Variants in MAGI3 observed in about 807,000 individuals in gnomAD.
MAGI3 encodes the protein membrane-associated guanylate kinase, WW and PDZ domain-containing protein 3.
A neutral mutation model predicts 121.8 loss-of-function variants in MAGI3; 43 were observed. The ratio of observed to expected loss-of-function variants is 0.35; its 90% CI spans 0.28 to 0.46. The LOEUF (loss-of-function observed/expected upper bound fraction) is 0.46. Ranked by LOEUF, MAGI3 falls within the 20% of genes least tolerant of loss-of-function variation. The pLI, the probability that MAGI3 is intolerant of heterozygous loss-of-function variation, is 1.00. For missense variants in MAGI3, 1,547 were observed against 1,797.3 expected, an observed-to-expected ratio of 0.86 and a Z score of 2.52; for synonymous variants, 553 against 639.3, an observed-to-expected ratio of 0.86 and a Z score of 2.04.
intron 1 of MAGI3, among the ~76,000 whole-genome samples, chr1:113,438,069 C>A (rs1159299764): frequency 6.6e-6 from 1 of 151,902 alleles, no homozygotes; most frequent in Admixed American, 6.6e-5. Flanking sequence ...GCTGGAACTA[C>A]AGGCATGAGC....
In MAGI3 at chr1:113,602,982, G is replaced by A. The variant is rs190961947; in HGVS notation, c.1018+8422G>A. 6.6e-5 allele frequency among the ~76,000 whole-genome samples: 10 copies of A among 151,568 alleles called. 1 individual carries two copies. Among genetic ancestry groups the A allele is most frequent in the South Asian group, 2.1e-4 (1 of 4,810 alleles). On this transcript the variant is annotated intron_variant, in intron 6 of 20. Coordinates refer to ENST00000307546, the MANE Select transcript of MAGI3 (RefSeq NM_001142782.2). ...TGTATGTATACACATATATATATATGTGTATACATACACAGAAGATCAAAG... is the reference window on the plus strand; with the variant it reads ...TGTATGTATACACATATATATATATATGTATACATACACAGAAGATCAAAG...
intron 11 of MAGI3, among the ~76,000 whole-genome samples, chr1:113,644,848 T>C (rs1652743553): frequency 6.6e-6 from 1 of 152,204 alleles, no homozygotes; most frequent in Non-Finnish European, 1.5e-5. Flanking sequence ...AAATTCTAAT[T>C]TAGTTCTAGT....
chr1:113,416,177 GAC>G (rs1258618772), intron 1 of MAGI3, among the ~76,000 whole-genome samples: 7 of 72,876 alleles, frequency 9.6e-5, no homozygotes, highest in Non-Finnish European at 1.5e-4. Context: ...TGTAATTAAT[GAC>G]ACATATTAAT....
At chr1:113,594,695 A>T (rs1268776279) in intron 6 of MAGI3, 135 bp downstream of exon 6, 3 of 537,416 alleles carry the variant, frequency 5.6e-6, no homozygotes, top group Non-Finnish European at 9.8e-6. Flanking sequence ...GGTGGATATC[A>T]TAATCAACTG....
intron 1 of MAGI3, among the ~76,000 whole-genome samples, chr1:113,474,491 GT>G (rs1375071188): frequency 6.6e-5 from 10 of 152,178 alleles, no homozygotes; most frequent in African/African-American, 2.4e-4. Context: ...TGGCTAGCCA[GT>G]TTTCCCAGCA....
At chr1:113,424,587 A>G (rs1652905200) in intron 1 of MAGI3, among the ~76,000 whole-genome samples, 1 of 152,218 alleles carries the variant, frequency 6.6e-6, no homozygotes, top group African/African-American at 2.4e-5. Flanking sequence ...TGGGAATGGC[A>G]TAATCTCCTT....
chr1:113,437,092 G>T (rs1194453707), intron 1 of MAGI3, among the ~76,000 whole-genome samples: 1 of 152,046 alleles, frequency 6.6e-6, no homozygotes, highest in African/African-American at 2.4e-5. Flanking sequence ...GGGATTACAG[G>T]CATGAGCCAC....
intron 11 of MAGI3, among the ~76,000 whole-genome samples, chr1:113,644,430 G>A (rs1047290659): frequency 1.3e-5 from 2 of 152,040 alleles, no homozygotes; most frequent in Non-Finnish European, 1.5e-5. Context: ...ACAGGTGCAC[G>A]CCACCACACC....
Position 113,580,679 on chromosome 1 carries a change from A to G in MAGI3, c.553+18A>G, listed in dbSNP as rs772767817. On this transcript the variant is annotated intron_variant, in intron 3 of 20. Transcript: ENST00000307546. ...ATATGATGGTATGTCCCCAAATAAC[A>G]TCACTACCACCCAAAAAACTATCTG... 5.7e-6 allele frequency: 9 copies of G among 1,587,060 alleles called. No homozygotes were observed. The African/African-American group carries it at 1.2e-4, about 22-fold the overall frequency.
At chr1:113,408,307 C>T (rs1382523381) in intron 1 of MAGI3, among the ~76,000 whole-genome samples, 7 of 152,122 alleles carry the variant, frequency 4.6e-5, no homozygotes, top group Admixed American at 4.6e-4. Flanking sequence ...AAATTTTATG[C>T]ATATGACTGA....
intron 6 of MAGI3, among the ~76,000 whole-genome samples, chr1:113,599,917 A>G (rs929915575): frequency 1.8e-4 from 27 of 152,200 alleles, no homozygotes; most frequent in Non-Finnish European, 2.8e-4. Flanking sequence ...CTGGTTCAAT[A>G]TACGCAAATC....
chr1:113,579,014 G>A (rs74927044), intron 2 of MAGI3, among the ~76,000 whole-genome samples: 1 of 152,126 alleles, frequency 6.6e-6, no homozygotes, highest in African/African-American at 2.4e-5. Flanking sequence ...ACTAAAAACA[G>A]TAGGAGCAAT....
chr1:113,399,377 C>A (rs180980026), intron 1 of MAGI3, among the ~76,000 whole-genome samples: 20 of 152,138 alleles, frequency 1.3e-4, no homozygotes, highest in Non-Finnish European at 2.2e-4. Flanking sequence ...GTAGCAGAAC[C>A]CCAAGACGTA....
chr1:113,511,308 C>G (rs1329646569), intron 1 of MAGI3, among the ~76,000 whole-genome samples: 1 of 152,264 alleles, frequency 6.6e-6, no homozygotes, highest in South Asian at 2.1e-4. Flanking sequence ...TTATAATTCA[C>G]TTGACAGTAA....
intron 1 of MAGI3, among the ~76,000 whole-genome samples, chr1:113,470,010 C>T (rs1009222729): frequency 6.6e-6 from 1 of 152,074 alleles, no homozygotes; most frequent in Non-Finnish European, 1.5e-5. Flanking sequence ...TTACGTGATT[C>T]TTTTCAGTAG....
chr1:113,480,779 G>T (rs1481878337), intron 1 of MAGI3, among the ~76,000 whole-genome samples: 2 of 151,980 alleles, frequency 1.3e-5, no homozygotes, highest in Non-Finnish European at 2.9e-5. Context: ...ATGGATTGTT[G>T]TTCAAATTGA....
intron 2 of MAGI3, among the ~76,000 whole-genome samples, chr1:113,575,555 C>G (rs1470281027): frequency 6.6e-6 from 1 of 152,220 alleles, no homozygotes; most frequent in Non-Finnish European, 1.5e-5. Context: ...CTGCTCCTTC[C>G]TCTGGAAACT....
At chr1:113,634,382 A>G (rs545380567) in intron 9 of MAGI3, among the ~76,000 whole-genome samples, 43 of 152,244 alleles carry the variant, frequency 2.8e-4, no homozygotes, top group Admixed American at 5.9e-4. Flanking sequence ...CTAACGTTTA[A>G]GTCTAATCCA....
intron 2 of MAGI3, chr1:113,576,718 A>G (rs1209398069): frequency 2.0e-5 from 3 of 152,222 alleles, no homozygotes; most frequent in Non-Finnish European, 4.4e-5. Flanking sequence ...TTCTAAATGT[A>G]TTAAAAAGAA....
Sources: gnomAD v4.1 joint callset for allele counts (sites outside exome capture counted in the v4.1 genomes callset) on GRCh38, gnomAD v4.1.1 for gene constraint, MANE v1.5 for transcripts, NCBI Gene and HGNC (gene_info 2026-07-23, HGNC 2026-07-21) for gene names.